KCNAB1: variants seen among roughly 807,000 people sequenced by gnomAD.
The protein encoded by KCNAB1 is voltage-gated potassium channel subunit beta-1.
KCNAB1 carries 35 observed loss-of-function variants against 64.6 expected under a neutral mutation model. The observed-to-expected ratio is 0.54, with a 90% CI of 0.41 to 0.72. KCNAB1 has a LOEUF of 0.72. KCNAB1 is among the 30% of genes least tolerant of loss of function. The pLI is 0.00. For synonymous variants in KCNAB1, 177 were observed against 183.8 expected, an observed-to-expected ratio of 0.96 and a Z score of 0.30; for missense variants, 401 against 512.9, an observed-to-expected ratio of 0.78 and a Z score of 2.11.
chr3:156,184,523 G>A (rs962551057), intron 1 of KCNAB1, among the ~76,000 whole-genome samples: 1 of 152,188 alleles, frequency 6.6e-6, no homozygotes, highest in African/African-American at 2.4e-5. Context: ...TGCCAGTGGA[G>A]ACAGAGGAAT....
intron 1 of KCNAB1, among the ~76,000 whole-genome samples, chr3:156,153,121 TC>T (rs1224414078): frequency 6.6e-6 from 1 of 151,888 alleles, no homozygotes; most frequent in African/African-American, 2.4e-5. Flanking sequence ...TAAGCAGGAG[TC>T]TAACAAATAA....
At chr3:156,344,280 G>A (rs1272121718) in intron 1 of KCNAB1, among the ~76,000 whole-genome samples, 1 of 152,184 alleles carries the variant, frequency 6.6e-6, no homozygotes, top group Admixed American at 6.5e-5. Context: ...AAGGAAAAGG[G>A]GAGAAATTTG....
intron 1 of KCNAB1, among the ~76,000 whole-genome samples, chr3:156,385,149 C>A (rs1198812094): frequency 2.0e-5 from 3 of 152,136 alleles, no homozygotes; most frequent in South Asian, 4.1e-4. Flanking sequence ...GTCAGAGTAC[C>A]TTTAGGGCTT....
chr3:156,296,467 C>A (rs1256340202), intron 1 of KCNAB1, among the ~76,000 whole-genome samples: 2 of 148,448 alleles, frequency 1.3e-5, no homozygotes, highest in Admixed American at 1.3e-4. Flanking sequence ...CAACTCCCCC[C>A]CCCCCCACCT....
upstream of KCNAB1, among the ~76,000 whole-genome samples, chr3:156,119,360 T>C (rs1291008625): frequency 6.6e-6 from 1 of 152,246 alleles, no homozygotes; most frequent in Non-Finnish European, 1.5e-5. Context: ...AAGGAAATTC[T>C]TCCTCCATAC....
chr3:156,296,053 C>G (rs554171298), intron 1 of KCNAB1, among the ~76,000 whole-genome samples: 1 of 152,140 alleles, frequency 6.6e-6, no homozygotes, highest in African/African-American at 2.4e-5. Context: ...CATGAAAGTT[C>G]CTTTGTTCTA....
At chr3:156,333,932 T>C (rs1723512007) in intron 1 of KCNAB1, among the ~76,000 whole-genome samples, 1 of 144,626 alleles carries the variant, frequency 6.9e-6, no homozygotes, top group African/African-American at 2.8e-5. Context: ...TTCATGTTGA[T>C]GTGTTTGCGC....
intron 1 of KCNAB1, among the ~76,000 whole-genome samples, chr3:156,230,294 ATACT>A (rs1417169345): frequency 6.6e-6 from 1 of 152,328 alleles, no homozygotes; most frequent in Non-Finnish European, 1.5e-5. Context: ...AGATACACAA[ATACT>A]TACCATTGTG....
intron 1 of KCNAB1, among the ~76,000 whole-genome samples, chr3:156,180,519 C>CA (rs1414351012): frequency 3.3e-5 from 5 of 151,694 alleles, no homozygotes; most frequent in African/African-American, 4.8e-5. Flanking sequence ...ATACCAAAAA[C>CA]AAAAAAAATT....
At chr3:156,424,543 G>A (rs567924188) in intron 2 of KCNAB1, among the ~76,000 whole-genome samples, 6 of 151,580 alleles carry the variant, frequency 4.0e-5, no homozygotes, top group Non-Finnish European at 5.9e-5. Flanking sequence ...ATAACTATTC[G>A]GTATTCATTA....
rs180977813 is a variant in KCNAB1 at position 156,325,388 on chromosome 3, G to A, written c.276-96228G>A. On this transcript the variant is annotated intron_variant, in intron 1 of 13. Coordinates refer to ENST00000490337, the MANE Select transcript of KCNAB1 (RefSeq NM_172160.3). Reference sequence around the variant, plus strand: ...GACACTATTTTTGTTACACTTTATTGAGAAGCACGTCTCTTACTTTTAAAT... The same window carrying A: ...GACACTATTTTTGTTACACTTTATTAAGAAGCACGTCTCTTACTTTTAAAT... Among the ~76,000 whole-genome samples, 151 of 152,104 alleles carry A rather than the reference G, an allele frequency of 9.9e-4. 1 individual carries two copies. Among genetic ancestry groups the A allele is most frequent in the African/African-American group, 3.4e-3 (141 of 41,492 alleles).
chr3:156,490,655 A>G (rs1357986970), intron 8 of KCNAB1, among the ~76,000 whole-genome samples: 1 of 152,126 alleles, frequency 6.6e-6, no homozygotes, highest in Non-Finnish European at 1.5e-5. Flanking sequence ...CAGAAAGTAA[A>G]AGAGAAAAAG....
intron 1 of KCNAB1, among the ~76,000 whole-genome samples, chr3:156,174,765 A>G (rs1275942293): frequency 2.4e-4 from 37 of 152,330 alleles, no homozygotes; most frequent in Non-Finnish European, 7.3e-5. Flanking sequence ...TCAGCCTCCC[A>G]TCAGGAGGCA....
intron 1 of KCNAB1, among the ~76,000 whole-genome samples, chr3:156,363,930 T>C (rs1322730690): frequency 1.3e-5 from 2 of 152,246 alleles, no homozygotes; most frequent in African/African-American, 4.8e-5. Context: ...ATTTCCACTG[T>C]AGCCACTAAA....
intron 13 of KCNAB1, among the ~76,000 whole-genome samples, chr3:156,531,829 C>A (rs1718721303): frequency 6.6e-6 from 1 of 152,238 alleles, no homozygotes; most frequent in South Asian, 2.1e-4. Context: ...ATACATACAT[C>A]ATTTACTTGT....
Position 156,160,057 on chromosome 3 carries a change from G to A in KCNAB1, c.275+39171G>A, listed in dbSNP as rs1033036753. On this transcript the variant is annotated intron_variant, in intron 1 of 13. Coordinates refer to ENST00000490337, the MANE Select transcript of KCNAB1 (RefSeq NM_172160.3). ...TAGAGCAAGTGATGAATGCTCTCTT[G>A]ATAGTCAGGGATGACTTCTTAGAGG... is the stretch of plus-strand genomic sequence containing the variant. Among the ~76,000 whole-genome samples, 7 of 152,214 alleles carry A rather than the reference G, an allele frequency of 4.6e-5. No individual in the cohort carries two copies. In the East Asian group the frequency reaches 5.8e-4, roughly 13 times the overall value.
Position 156,391,404 on chromosome 3 carries a change from TTTG to T in KCNAB1, c.276-30209_276-30207del, listed in dbSNP as rs1713029701. ...CTGGCCCATTGTTAAAAATTTTCCT[TTTG>T]TTTATGGTCCTTTCATTTTGTTATT... On this transcript the variant is annotated intron_variant, in intron 1 of 13. Transcript: ENST00000490337. Among the ~76,000 whole-genome samples the T allele has an allele frequency of 2.0e-5, 3 of 152,334 alleles. No homozygotes were observed. In the South Asian group the frequency reaches 6.2e-4, roughly 32 times the overall value.
At chr3:156,287,362 A>C (rs13083113) in intron 1 of KCNAB1, among the ~76,000 whole-genome samples, 16,779 of 151,462 alleles carry the variant, frequency 0.11, 1,107 homozygotes, top group Non-Finnish European at 0.15. Flanking sequence ...AAAAAAAAAA[A>C]AAAAAACTAC....
chr3:156,221,031 G>A (rs763024590), intron 1 of KCNAB1, among the ~76,000 whole-genome samples: 1 of 152,172 alleles, frequency 6.6e-6, no homozygotes, highest in Non-Finnish European at 1.5e-5. Flanking sequence ...GGTTGTAGAT[G>A]TGTGGTGTTA....
Sources: allele counts gnomAD v4.1 joint callset (sites outside exome capture counted in the v4.1 genomes callset), GRCh38; gene constraint gnomAD v4.1.1; transcripts MANE v1.5; gene names NCBI Gene and HGNC (gene_info 2026-07-23, HGNC 2026-07-21).